The following TECPR2 variants were observed in gnomAD, a reference collection of about 807,000 sequenced individuals.
The protein encoded by TECPR2 is tectonin beta-propeller repeat-containing protein 2.
Under a neutral mutation model 138.1 loss-of-function variants are expected in TECPR2, and 65 were observed. The ratio of observed to expected loss-of-function variants is 0.47; its 90% CI spans 0.39 to 0.58. The LOEUF is 0.58. TECPR2 is among the 20% of genes least tolerant of loss of function. The probability of loss-of-function intolerance (pLI) is 0.00; values close to 1 mark genes in which losing one functional copy is unlikely to be tolerated. For synonymous variants in TECPR2, 746 were observed against 749.8 expected, an observed-to-expected ratio of 0.99 and a Z score of 0.08; for missense variants, 1,553 against 1,824.5, an observed-to-expected ratio of 0.85 and a Z score of 2.71.
intron 17 of TECPR2, among the ~76,000 whole-genome samples, chr14:102,492,600 G>C (rs1043083456): frequency 1.3e-5 from 2 of 152,230 alleles, no homozygotes; most frequent in Non-Finnish European, 2.9e-5. Context: ...CATCCTCCAC[G>C]CACCTCCTCA....
intron 7 of TECPR2, among the ~76,000 whole-genome samples, chr14:102,429,376 T>C (rs1889408679): frequency 6.6e-6 from 1 of 152,142 alleles, no homozygotes. Context: ...TGCATAGAGT[T>C]TTAGAATATT....
In TECPR2 at chr14:102,425,053, C is replaced by A; in HGVS notation, c.713C>A (p.Pro238His). 1 of 1,614,062 alleles carries A rather than the reference C, an allele frequency of 6.2e-7. No individual in the cohort carries two copies. Among genetic ancestry groups the A allele is most frequent in the Non-Finnish European group, 8.5e-7 (1 of 1,180,022 alleles). ...QSDLTLYASR[P>H]GLRLWKADVH... is the part of the protein sequence containing the mutation. ...GATCTAACCTTGTATGCGTCACGGC[C>A]CGGGCTCCGGCTATGGAAGGCTGAT... The change falls in exon 6 of 20, where the codon CCC becomes CAC. Residue 238 changes from proline to histidine, a missense_variant. By Grantham distance (77) the Pro-to-His change is moderately conservative. Transcript: ENST00000359520.
In TECPR2 at chr14:102,497,551, G is replaced by A. The variant is rs1314315942; in HGVS notation, c.3932-19G>A. ...CCCGTCCATGGCAGGGGCTCAGGAGGGACCCTGTCTGCCCACAGGGTTGCA... is the reference window on the plus strand; with the variant it reads ...CCCGTCCATGGCAGGGGCTCAGGAGAGACCCTGTCTGCCCACAGGGTTGCA... On this transcript the variant is annotated intron_variant, in intron 18 of 19. Coordinates refer to ENST00000359520, the MANE Select transcript of TECPR2 (RefSeq NM_014844.5). The A allele has an allele frequency of 2.6e-6, 4 of 1,558,318 alleles. No homozygotes were observed. The highest frequency in any genetic ancestry group is 3.5e-6 in the Non-Finnish European group (4 of 1,149,370).
chr14:102,428,394 T>C lies in TECPR2; in HGVS notation c.1084+12T>C. On this transcript the variant is annotated intron_variant, in intron 7 of 19. Transcript: ENST00000359520. ...ATTAACATCAACAGGTTTGTATTTA[T>C]TATAAAATGTACCATGTATATGATG... 1 of 1,608,458 alleles carries C rather than the reference T, an allele frequency of 6.2e-7. No individual in the cohort carries two copies. The highest frequency in any genetic ancestry group is 8.5e-7 in the Non-Finnish European group (1 of 1,178,574).
rs113664194 is a variant in TECPR2 at position 102,449,691 on chromosome 14, C to G, written c.3138C>G (p.Ala1046=). 6 of 1,614,162 alleles carry G rather than the reference C, an allele frequency of 3.7e-6. No homozygotes were observed. The African/African-American group carries it at 5.3e-5, about 14-fold the overall frequency. ...QCSLFQTIIH[A]THSVATAAQA... ...GCTTATTTCAGACGATAATCCATGC[C>G]ACTCACTCGGTGGCCACAGCAGCCC... Residue 1046 remains alanine (A), a synonymous_variant, in exon 14 of 20, where the codon GCC becomes GCG. Transcript: ENST00000359520.
intron 13 of TECPR2, among the ~76,000 whole-genome samples, chr14:102,449,241 T>C (rs1300969782): frequency 1.3e-5 from 2 of 152,234 alleles, no homozygotes; most frequent in Non-Finnish European, 2.9e-5. Context: ...CAAGACTGTC[T>C]CAGAAAAGAT....
In TECPR2 at chr14:102,425,013, C is replaced by T. The variant is rs1324042464; in HGVS notation, c.673C>T (p.Leu225Phe). Residue 225 changes from leucine to phenylalanine, a missense_variant, in exon 6 of 20, where the codon CTC (leucine) becomes TTC (phenylalanine). Leu to Phe is a conservative substitution (Grantham distance 22). Coordinates refer to ENST00000359520, the MANE Select transcript of TECPR2 (RefSeq NM_014844.5). ...ATTTGGTGCTTGTTTTATACCAGGA[C>T]TCTGTAAGCAAAGTGATCTAACCTT... ...GKFGACFIPG[L>F]CKQSDLTLYA... The T allele has an allele frequency of 8.7e-6, 14 of 1,613,508 alleles. No homozygotes were observed. The highest frequency in any genetic ancestry group is 1.1e-5 in the Non-Finnish European group (13 of 1,179,824).
chr14:102,434,215 A>T lies in TECPR2; in HGVS notation c.1418-20A>T, dbSNP rs755873126. On this transcript the variant is annotated intron_variant, in intron 8 of 19. Transcript: ENST00000359520. ...CATATAGAACCGTGCCTTATTTTGA[A>T]TGTTCTTATTCTGAATTAGAAGGTG... The T allele has an allele frequency of 7.4e-7, 1 of 1,345,880 alleles. No individual in the cohort carries two copies. The highest frequency in any genetic ancestry group is 9.6e-7 in the Non-Finnish European group (1 of 1,041,332). The allele number at this position is 1,345,880 out of a possible 1,614,324, so 83.4% of individuals were successfully genotyped here. A position where few individuals can be genotyped will look rare whatever the true frequency, so the allele number is the denominator to read the frequency against.
intron 2 of TECPR2, among the ~76,000 whole-genome samples, chr14:102,397,767 A>T (rs984349251): frequency 2.7e-5 from 4 of 150,542 alleles, no homozygotes; most frequent in Non-Finnish European, 5.9e-5. Context: ...AATAAATAAG[A>T]TGTGGAAAAA....
chr14:102,411,699 C>CAAAAAAAAAA (rs1173849759), intron 4 of TECPR2, among the ~76,000 whole-genome samples: 1,143 of 46,838 alleles, frequency 0.024, 156 homozygotes, highest in Non-Finnish European at 0.029. Flanking sequence ...CCATGTTGCT[C>CAAAAAAAAAA]AAAAAAAAAA....
chr14:102,418,076 G>A (rs751413960), intron 5 of TECPR2, among the ~76,000 whole-genome samples: 4 of 152,096 alleles, frequency 2.6e-5, no homozygotes, highest in Non-Finnish European at 4.4e-5. Flanking sequence ...GGGGTTTGAC[G>A]GGCCTGTCAG....
intron 9 of TECPR2, among the ~76,000 whole-genome samples, chr14:102,435,723 C>G (rs1272496429): frequency 6.6e-6 from 1 of 152,224 alleles, no homozygotes; most frequent in East Asian, 1.9e-4. Flanking sequence ...GGCTCCAAGG[C>G]TCCCCTGCGA....
chr14:102,471,716 T>A (rs1203331726), intron 17 of TECPR2, among the ~76,000 whole-genome samples: 1 of 151,918 alleles, frequency 6.6e-6, no homozygotes, highest in Non-Finnish European at 1.5e-5. Context: ...ACAACGCTAA[T>A]AATAATAATA....
At chr14:102,394,446 T>A (rs2139678392) in intron 2 of TECPR2, among the ~76,000 whole-genome samples, 1 of 152,024 alleles carries the variant, frequency 6.6e-6, no homozygotes, top group South Asian at 2.1e-4. Flanking sequence ...CTACAAAAAA[T>A]AAAAAATTAG....
rs532240191 is a variant in TECPR2 at position 102,499,072 on chromosome 14, C to T, written c.*815C>T. 6.1e-5 allele frequency: 43 copies of T among 702,744 alleles called. No homozygotes were observed. The highest frequency in any genetic ancestry group is 4.0e-4 in the African/African-American group (23 of 57,374). 43.5% of individuals were successfully genotyped at this position (702,744 alleles called of 1,614,324 possible). A position where few individuals can be genotyped will look rare whatever the true frequency, so the allele number is the denominator to read the frequency against. On this transcript the variant is annotated 3_prime_UTR_variant, in exon 20 of 20. Transcript: ENST00000359520. ...ACCACACCTCACTGCCCACACACGG[C>T]GCAGGCTGCCCGCCTCCTGGAGAGC...
intron 1 of TECPR2, among the ~76,000 whole-genome samples, chr14:102,367,373 C>T (rs984019030): frequency 1.3e-5 from 2 of 152,156 alleles, no homozygotes; most frequent in Admixed American, 6.5e-5. Flanking sequence ...TTTCTCATCA[C>T]CCTAAAAGGA....
rs1019217446 is a variant in TECPR2, at chr14:102,431,805, G to A, written c.1094G>A (p.Gly365Asp). 6.4e-7 allele frequency: 1 copy of A among 1,567,032 alleles called. No individual in the cohort carries two copies. Among genetic ancestry groups the A allele is most frequent in the South Asian group, 1.1e-5 (1 of 87,334 alleles). Residue 365 changes from glycine (G) to aspartate (D), a missense_variant, in exon 8 of 20, where the codon GGT becomes GAT. By Grantham distance (94) the Gly-to-Asp change is moderately conservative. Coordinates refer to ENST00000359520, the MANE Select transcript of TECPR2 (RefSeq NM_014844.5). The stretch of plus-strand genomic sequence containing the variant: ...GACTCTTCTTTCTTAGTGAGAGATG[G>A]TCTGGAGATGTCTGGATGCTCAGAG... ...PEGLTSTVRD[G>D]LEMSGCSERV...
At chr14:102,441,897 T>TA (rs2139741650) in intron 11 of TECPR2, among the ~76,000 whole-genome samples, 1 of 152,354 alleles carries the variant, frequency 6.6e-6, no homozygotes, top group East Asian at 1.9e-4. Context: ...GGGCAGGAGT[T>TA]ATCGTCAGTT....
At chr14:102,446,138 C>G (rs973815559) in intron 13 of TECPR2, among the ~76,000 whole-genome samples, 191 bp downstream of exon 13, 10 of 152,092 alleles carry the variant, frequency 6.6e-5, no homozygotes, top group African/African-American at 2.4e-4. Context: ...GCAGTCACGG[C>G]TCACTGCAGT....
Sources: allele counts gnomAD v4.1 joint callset (sites outside exome capture counted in the v4.1 genomes callset), GRCh38; gene constraint gnomAD v4.1.1; transcripts MANE v1.5; gene names NCBI Gene and HGNC (gene_info 2026-07-23, HGNC 2026-07-21).